ZFP2: variants seen among roughly 807,000 people sequenced by gnomAD.
ZFP2 encodes the protein zinc finger protein ZFP2.
Under a neutral mutation model 36.1 loss-of-function variants are expected in ZFP2, and 33 were observed. That is an observed-to-expected ratio of 0.92 (90% CI 0.69 to 1.22). The LOEUF is 1.22. Among genes scored for constraint, ZFP2 ranks in the 50% most tolerant of loss-of-function variants. The pLI is 0.00. For synonymous variants in ZFP2, 170 were observed against 178.0 expected, an observed-to-expected ratio of 0.96 and a Z score of 0.36; for missense variants, 522 against 551.4, an observed-to-expected ratio of 0.95 and a Z score of 0.53.
intron 4 of ZFP2, 54 bp from the exon 5 acceptor site, chr5:178,931,183 T>G: frequency 1.4e-6 from 2 of 1,457,844 alleles, no homozygotes; most frequent in Non-Finnish European, 1.8e-6. Flanking sequence ...TTATGCAGTT[T>G]CCAGTCTCCT....
intron 4 of ZFP2, among the ~76,000 whole-genome samples, chr5:178,929,413 A>C (rs79359267): frequency 0.084 from 12,794 of 152,204 alleles, 677 homozygotes; most frequent in Non-Finnish European, 0.12. Context: ...TTGTTAGCAG[A>C]CAACCCACCT....
In ZFP2 at chr5:178,923,964, T is replaced by C. The variant is rs140242320; in HGVS notation, c.-78+7254T>C. Among the ~76,000 whole-genome samples the C allele has an allele frequency of 4.8e-3, 719 of 149,512 alleles. 28 individuals carry two copies. The highest frequency in any genetic ancestry group is 0.016 in the African/African-American group (668 of 41,254). ...CACAGAAGAATGTGTAAAATCTGAC[T>C]GTTCAACAAAAACCTACATACTCTT... On this transcript the variant is annotated intron_variant, in intron 4 of 4. Coordinates refer to ENST00000361362, the MANE Select transcript of ZFP2 (RefSeq NM_030613.4).
intron 2 of ZFP2, 49 bp downstream of exon 2, chr5:178,912,768 C>T (rs1027318518): frequency 9.6e-7 from 1 of 1,045,422 alleles, no homozygotes; most frequent in Non-Finnish European, 1.2e-6. Context: ...ATCATAAGGC[C>T]TGATCATAAG....
In ZFP2 at chr5:178,931,707, T is replaced by G. The variant is rs991479337; in HGVS notation, c.394T>G (p.Cys132Gly). ...TCATACTGGGGAGAAACCCTATAAG[T>G]GTAATGTATGTGGGAAACACTTCAT... ...RIHTGEKPYK[C>G]NVCGKHFIER... is the part of the protein sequence containing the mutation. Residue 132 changes from cysteine to glycine, a missense_variant, in exon 5 of 5, where the codon TGT (cysteine) becomes GGT (glycine). Cys to Gly is a radical substitution (Grantham distance 159, BLOSUM62 -3). Transcript: ENST00000361362. 4.3e-6 allele frequency: 7 copies of G among 1,614,096 alleles called. No individual in the cohort carries two copies. Among genetic ancestry groups the G allele is most frequent in the Non-Finnish European group, 5.9e-6 (7 of 1,179,996 alleles).
At position 178,904,570 on chromosome 5, in the gene ZFP2, C is replaced by T. The variant is rs532716322; in HGVS notation, c.-449-8014C>T. Among the ~76,000 whole-genome samples the T allele has an allele frequency of 2.7e-5, 4 of 149,836 alleles. No individual in the cohort carries two copies. The South Asian group carries it at 8.4e-4, about 31-fold the overall frequency. On this transcript the variant is annotated intron_variant, in intron 1 of 4. Transcript: ENST00000361362. ...AGAGTTTATATTATAATATAGTTTA[C>T]ATATATTTATATATGAGTTTATTTT...
intron 1 of ZFP2, among the ~76,000 whole-genome samples, chr5:178,897,914 T>C (rs1757975093): frequency 6.6e-6 from 1 of 152,206 alleles, no homozygotes. Context: ...GGGCAAGTTG[T>C]CTCTCATCAG....
chr5:178,902,851 G>A (rs1377023516), intron 1 of ZFP2, among the ~76,000 whole-genome samples: 1 of 152,172 alleles, frequency 6.6e-6, no homozygotes, highest in African/African-American at 2.4e-5. Flanking sequence ...TTACTCAGGA[G>A]TCTGCACCTG....
At chr5:178,910,087 AT>A in intron 1 of ZFP2, 1 of 1,473,196 alleles carries the variant, frequency 6.8e-7, no homozygotes, top group Non-Finnish European at 9.5e-7. Context: ...AGATCCTTGA[AT>A]TTATTCTCCT....
intron 4 of ZFP2, among the ~76,000 whole-genome samples, chr5:178,930,176 T>TG (rs1408453266): frequency 1.3e-5 from 2 of 151,918 alleles, no homozygotes; most frequent in African/African-American, 4.8e-5. Flanking sequence ...CCTCCAACAC[T>TG]GGGGATTACA....
chr5:178,896,629 A>G (rs1423482126), intron 1 of ZFP2, among the ~76,000 whole-genome samples: 1 of 152,118 alleles, frequency 6.6e-6, no homozygotes, highest in African/African-American at 2.4e-5. Context: ...TCCTTAAGCG[A>G]TTTCACTGTA....
intron 1 of ZFP2, among the ~76,000 whole-genome samples, chr5:178,910,882 C>CTTCCCTTGGCAGA (rs1758283709): frequency 6.6e-6 from 1 of 152,180 alleles, no homozygotes; most frequent in Non-Finnish European, 1.5e-5. Context: ...AAGTGAACCA[C>CTTCCCTTGGCAGA]TGGGTTCATT....
chr5:178,900,168 A>C (rs1758025711), intron 1 of ZFP2, among the ~76,000 whole-genome samples: 1 of 152,230 alleles, frequency 6.6e-6, no homozygotes, highest in Non-Finnish European at 1.5e-5. Flanking sequence ...TAATTTTTAA[A>C]TCAGCTTTTT....
intron 3 of ZFP2, among the ~76,000 whole-genome samples, chr5:178,914,382 A>G (rs1404013992): frequency 6.6e-6 from 1 of 152,070 alleles, no homozygotes; most frequent in African/African-American, 2.4e-5. Context: ...TCCATTTTTT[A>G]TGGTCTTGCT....
intron 4 of ZFP2, among the ~76,000 whole-genome samples, chr5:178,930,175 C>T (rs569089930): frequency 1.9e-4 from 29 of 152,046 alleles, no homozygotes; most frequent in African/African-American, 6.7e-4. Flanking sequence ...ACCTCCAACA[C>T]TGGGGATTAC....
intron 1 of ZFP2, chr5:178,910,369 C>T (rs1046930677): frequency 2.1e-5 from 22 of 1,040,952 alleles, no homozygotes; most frequent in South Asian, 6.3e-5. Flanking sequence ...GAAGACTCCT[C>T]GGCACTGGAG....
In ZFP2 at chr5:178,932,145, G is replaced by C. The variant is rs1429275307; in HGVS notation, c.832G>C (p.Ala278Pro). 4 of 1,613,158 alleles carry C rather than the reference G, an allele frequency of 2.5e-6. No homozygotes were observed. The African/African-American group carries it at 5.3e-5, about 22-fold the overall frequency. ...KPYECSQCGK[A>P]FSKSSTLTLH... ...CTATGAGTGTAGTCAATGTGGAAAA[G>C]CCTTTAGTAAGAGCTCAACTCTTAC... Residue 278 changes from alanine (A) to proline (P), a missense_variant, in exon 5 of 5, where the codon GCC becomes CCC. Ala to Pro is a conservative substitution (Grantham distance 27). Coordinates refer to ENST00000361362, the MANE Select transcript of ZFP2 (RefSeq NM_030613.4).
Position 178,919,957 on chromosome 5 carries a change from T to A in ZFP2, c.-78+3247T>A, listed in dbSNP as rs193021145. Among the ~76,000 whole-genome samples the A allele has an allele frequency of 1.6e-3, 232 of 141,906 alleles. 2 individuals are homozygous for A. Among genetic ancestry groups the A allele is most frequent in the Non-Finnish European group, 1.4e-3 (87 of 62,864 alleles). The allele number at this position is 141,906 out of a possible 152,430, so 93.1% of individuals were successfully genotyped here. A position where few individuals can be genotyped will look rare whatever the true frequency, so the allele number is the denominator to read the frequency against. On this transcript the variant is annotated intron_variant, in intron 4 of 4. Transcript: ENST00000361362. ...TCAGCCTGGGCGACAGAGTGGACTC[T>A]GTCTCAAAAGAAAAAAAAAAAAATT...
At chr5:178,929,707 T>C (rs1758776069) in intron 4 of ZFP2, among the ~76,000 whole-genome samples, 1 of 152,192 alleles carries the variant, frequency 6.6e-6, no homozygotes, top group African/African-American at 2.4e-5. Flanking sequence ...CCTATCTTCT[T>C]CTGGGTCTTC....
chr5:178,931,896 T>A lies in ZFP2; in HGVS notation c.583T>A (p.Phe195Ile). 3 of 1,614,072 alleles carry A rather than the reference T, an allele frequency of 1.9e-6. No individual in the cohort carries two copies. The highest frequency in any genetic ancestry group is 2.5e-6 in the Non-Finnish European group (3 of 1,180,000). ...PYQCKECGKA[F>I]HKNSSLIQHE... ...TCAGTGTAAAGAGTGTGGCAAAGCC[T>A]TCCATAAGAATTCATCTCTTATTCA... Residue 195 changes from phenylalanine (F) to isoleucine (I), a missense_variant, in exon 5 of 5, where the codon TTC becomes ATC. Phe to Ile is a conservative substitution (Grantham distance 21, BLOSUM62 0). Transcript: ENST00000361362.
Sources: allele counts gnomAD v4.1 joint callset (sites outside exome capture counted in the v4.1 genomes callset), GRCh38; gene constraint gnomAD v4.1.1; transcripts MANE v1.5; gene names NCBI Gene and HGNC (gene_info 2026-07-23, HGNC 2026-07-21).